CES5A: variants seen among roughly 807,000 people sequenced by gnomAD.
CES5A encodes carboxylesterase 5A.
Under a neutral mutation model 62.9 loss-of-function variants are expected in CES5A, and 67 were observed. The observed-to-expected ratio is 1.07, with a 90% CI of 0.88 to 1.31. The LOEUF (loss-of-function observed/expected upper bound fraction) is 1.31, where lower values mean the gene tolerates loss of function less well. CES5A is among the 50% of genes most tolerant of loss of function. The pLI is 0.00. For missense variants in CES5A, 748 were observed against 708.5 expected (o/e 1.06, Z -0.63); for synonymous variants, 296 against 280.8 (o/e 1.05, Z -0.54).
rs148019908 is a variant in CES5A at position 55,883,855 on chromosome 16, A to G, written c.-255-9818T>C. Reference sequence around the variant, plus strand: ...GCACCTGGGCACTAGAGAAATGACCACTATTGGTGGGGTCTATTGACACAG... The same window carrying G: ...GCACCTGGGCACTAGAGAAATGACCGCTATTGGTGGGGTCTATTGACACAG... On this transcript the variant is annotated intron_variant, in intron 1 of 12. Coordinates refer to the CES5A transcript ENST00000518005. Among the ~76,000 whole-genome samples the G allele has an allele frequency of 3.2e-3, 489 of 152,268 alleles. 3 individuals carry two copies. The highest frequency in any genetic ancestry group is 0.011 in the African/African-American group (467 of 41,546).
rs2033539586 is a variant in CES5A at position 55,869,606 on chromosome 16, C to T, written c.551+5G>A. The T allele has an allele frequency of 1.2e-6, 2 of 1,613,264 alleles. No individual in the cohort carries two copies. Among genetic ancestry groups the T allele is most frequent in the African/African-American group, 2.7e-5 (2 of 74,884 alleles). On this transcript the variant is annotated splice_donor_5th_base_variant and intron_variant, in intron 4 of 12. Transcript: ENST00000290567. ...CTGGGATGTCCATCATTTGGAGAGA[C>T]TCACGTGAAGAAACCAAATATTCCT... is the stretch of plus-strand genomic sequence containing the variant.
At chr16:55,932,391 G>C (rs1489864404) in intron 2 of CES5A, among the ~76,000 whole-genome samples, 2 of 152,162 alleles carry the variant, frequency 1.3e-5, no homozygotes, top group East Asian at 3.8e-4. Context: ...TAAGACACTG[G>C]GGGTACAATG....
chr16:55,911,201 G>A (rs1485155331), intron 1 of CES5A, among the ~76,000 whole-genome samples: 1 of 152,100 alleles, frequency 6.6e-6, no homozygotes, highest in Non-Finnish European at 1.5e-5. Context: ...TCTCTGCATG[G>A]TGAAACTGTG....
At chr16:55,852,159 G>A (rs1277531629) in intron 10 of CES5A, among the ~76,000 whole-genome samples, 1 of 152,144 alleles carries the variant, frequency 6.6e-6, no homozygotes, top group Non-Finnish European at 1.5e-5. Context: ...GAATGTACTT[G>A]ATACCATTGA....
chr16:55,884,025 A>T (rs550003502), intron 1 of CES5A, among the ~76,000 whole-genome samples: 19 of 152,194 alleles, frequency 1.2e-4, no homozygotes, highest in African/African-American at 4.6e-4. Context: ...TTAGTCCTGA[A>T]AATATTTGCT....
At chr16:55,865,911 T>C in intron 5 of CES5A, 52 bp downstream of exon 5, 1 of 1,605,390 alleles carries the variant, frequency 6.2e-7, no homozygotes, top group East Asian at 2.2e-5. Context: ...CATCATCATT[T>C]TTGGAACCTC....
chr16:55,922,163 A>C (rs1329974923), intron 1 of CES5A, among the ~76,000 whole-genome samples: 2 of 152,022 alleles, frequency 1.3e-5, no homozygotes, highest in African/African-American at 4.8e-5. Context: ...AAACAACAAA[A>C]TGTCAATAGT....
chr16:55,918,610 A>G (rs2034170962), intron 1 of CES5A, among the ~76,000 whole-genome samples: 1 of 152,310 alleles, frequency 6.6e-6, no homozygotes, highest in Non-Finnish European at 1.5e-5. Flanking sequence ...AAAGGGTGTG[A>G]CTATTCCTAT....
intron 1 of CES5A, among the ~76,000 whole-genome samples, chr16:55,911,751 T>A (rs2034094973): frequency 6.6e-6 from 1 of 152,208 alleles, no homozygotes; most frequent in Non-Finnish European, 1.5e-5. Flanking sequence ...GGGAAGAGAC[T>A]GACCCAACTC....
At chr16:55,879,051 ACATCACTGCACCC>A (rs1447575509), upstream of CES5A, among the ~76,000 whole-genome samples, 1 of 95,992 alleles carries the variant, frequency 1.0e-5, no homozygotes, top group African/African-American at 4.1e-5. Context: ...CACTGCACCC[ACATCACTGCACCC>A]CATCACTGCA....
At position 55,874,039 on chromosome 16, in the gene CES5A, T is replaced by G; in HGVS notation, c.74-2A>C. 1 of 1,598,810 alleles carries G rather than the reference T, an allele frequency of 6.3e-7. No homozygotes were observed. Among genetic ancestry groups the G allele is most frequent in the East Asian group, 2.2e-5 (1 of 44,452 alleles). ...TCTGTGGCCCTTCAGCAGAAGGCCC[T>G]GCGGGAACACATGGGAGGAATCAGG... is the stretch of plus-strand genomic sequence containing the variant. On this transcript the variant is annotated splice_acceptor_variant, in intron 1 of 12. Transcript: ENST00000290567. LOFTEE classifies it high-confidence loss of function.
chr16:55,899,218 A>G (rs1440545992), intron 1 of CES5A, among the ~76,000 whole-genome samples: 6 of 152,180 alleles, frequency 3.9e-5, no homozygotes, highest in Non-Finnish European at 8.8e-5. Flanking sequence ...TGGGGAGAGC[A>G]GCTCTGATTG....
chr16:55,867,447 G>A lies in CES5A; in HGVS notation c.552-1331C>T, dbSNP rs142855184. On this transcript the variant is annotated intron_variant, in intron 4 of 12. Transcript: ENST00000290567. ...GACCGAAAGCATGCATGCAGTGCACGTCACCCTGGGGCACATTCTACTCCC... is the reference window on the plus strand; with the variant it reads ...GACCGAAAGCATGCATGCAGTGCACATCACCCTGGGGCACATTCTACTCCC... Among the ~76,000 whole-genome samples, 64 of 152,206 alleles carry A rather than the reference G, an allele frequency of 4.2e-4. 1 individual carries two copies. In the East Asian group the frequency reaches 9.9e-3, roughly 23 times the overall value.
intron 5 of CES5A, among the ~76,000 whole-genome samples, chr16:55,865,168 T>C (rs1352653482): frequency 6.6e-6 from 1 of 152,090 alleles, no homozygotes; most frequent in African/African-American, 2.4e-5. Context: ...ATTGCACCAT[T>C]GCACTCCAGC....
intron 1 of CES5A, among the ~76,000 whole-genome samples, chr16:55,909,601 T>C (rs551949998): frequency 1.1e-4 from 12 of 113,472 alleles, no homozygotes; most frequent in African/African-American, 3.2e-4. Flanking sequence ...CACACATGTC[T>C]GGAGGCAGAG....
intron 1 of CES5A, among the ~76,000 whole-genome samples, chr16:55,901,807 C>G (rs1012678263): frequency 2.6e-5 from 4 of 152,100 alleles, no homozygotes; most frequent in Non-Finnish European, 1.5e-5. Flanking sequence ...TTTTTCTGAC[C>G]CCACTGGTGT....
At chr16:55,896,133 T>C (rs1309023660) in intron 1 of CES5A, among the ~76,000 whole-genome samples, 2 of 152,138 alleles carry the variant, frequency 1.3e-5, no homozygotes, top group Non-Finnish European at 2.9e-5. Flanking sequence ...AAAAGGTGAA[T>C]GAGGAGCAAA....
chr16:55,861,012 T>C (rs1376497784), intron 7 of CES5A, among the ~76,000 whole-genome samples: 2 of 152,182 alleles, frequency 1.3e-5, no homozygotes, highest in Non-Finnish European at 2.9e-5. Context: ...AGGAGCCCAG[T>C]CCTTTTCCAG....
rs560607922 is a variant in CES5A at position 55,852,833 on chromosome 16, C to T, written c.1273+48G>A. 1.2e-5 allele frequency: 19 copies of T among 1,578,708 alleles called. No individual in the cohort carries two copies. In the African/African-American group the frequency reaches 1.5e-4, roughly 12 times the overall value. On this transcript the variant is annotated intron_variant, in intron 10 of 12. Transcript: ENST00000290567. Reference sequence around the variant, plus strand: ...TAGACAATATGGATTTCCGTGGCCACCAGCCTCACTGGGCTATGGTCCTGG... The same window carrying T: ...TAGACAATATGGATTTCCGTGGCCATCAGCCTCACTGGGCTATGGTCCTGG...
Sources: allele counts gnomAD v4.1 joint callset (sites outside exome capture counted in the v4.1 genomes callset), GRCh38; gene constraint gnomAD v4.1.1; transcripts MANE v1.5; gene names NCBI Gene and HGNC (gene_info 2026-07-23, HGNC 2026-07-21).